The following CEP85L variants were observed in gnomAD, a reference collection of about 807,000 sequenced individuals.
CEP85L encodes centrosomal protein 85L.
Under a neutral mutation model 100.3 loss-of-function variants are expected in CEP85L, and 60 were observed. The observed-to-expected ratio is 0.60, with a 90% confidence interval of 0.49 to 0.74. The LOEUF is 0.74. CEP85L is among the 30% of genes least tolerant of loss of function. The pLI, the probability that CEP85L is intolerant of heterozygous loss-of-function variation, is 0.00. For synonymous variants in CEP85L, 319 were observed against 322.7 expected, an observed-to-expected ratio of 0.99 and a Z score of 0.12; for missense variants, 973 against 936.2, an observed-to-expected ratio of 1.04 and a Z score of -0.51.
At chr6:118,676,497 G>C (rs1189376094) in intron 1 of CEP85L, among the ~76,000 whole-genome samples, 1 of 152,144 alleles carries the variant, frequency 6.6e-6, no homozygotes, top group Admixed American at 6.5e-5. Flanking sequence ...GTATAAACCT[G>C]CATATTGTTG....
intron 2 of CEP85L, among the ~76,000 whole-genome samples, chr6:118,579,775 T>G (rs1360464636): frequency 6.6e-6 from 1 of 152,216 alleles, no homozygotes; most frequent in African/African-American, 2.4e-5. Context: ...CTTGGCAAGT[T>G]TCTTTTCTTT....
At chr6:118,701,326 A>G (rs151033630) in intron 1 of CEP85L, among the ~76,000 whole-genome samples, 1 of 152,360 alleles carries the variant, frequency 6.6e-6, no homozygotes, top group African/African-American at 2.4e-5. Flanking sequence ...ATGCACTCAT[A>G]TGTTCACCAC....
intron 3 of CEP85L, among the ~76,000 whole-genome samples, chr6:118,555,289 A>G (rs531816873): frequency 6.2e-4 from 95 of 152,080 alleles, no homozygotes; most frequent in African/African-American, 2.1e-3. Context: ...AAAATTAGGC[A>G]TGGTGGCGGG....
chr6:118,549,763 T>C (rs777911694), intron 3 of CEP85L, among the ~76,000 whole-genome samples: 2 of 151,856 alleles, frequency 1.3e-5, no homozygotes, highest in Admixed American at 6.6e-5. Context: ...ACACTTCAAA[T>C]TGGGTGTTCA....
intron 1 of CEP85L, among the ~76,000 whole-genome samples, chr6:118,678,377 T>A (rs558861746): frequency 3.3e-5 from 5 of 152,300 alleles, no homozygotes; most frequent in Non-Finnish European, 5.9e-5. Flanking sequence ...TTGAGGGTTG[T>A]CTTCTGGCAT....
At chr6:118,675,960 A>C (rs967183407) in intron 1 of CEP85L, among the ~76,000 whole-genome samples, 1 of 152,196 alleles carries the variant, frequency 6.6e-6, no homozygotes, top group African/African-American at 2.4e-5. Context: ...TAAAAGAGAT[A>C]ATTATTTCTA....
At chr6:118,579,348 G>A (rs748542862) in intron 2 of CEP85L, among the ~76,000 whole-genome samples, 2 of 151,360 alleles carry the variant, frequency 1.3e-5, no homozygotes, top group Admixed American at 6.6e-5. Context: ...GGGTGGGGAC[G>A]GGCGGGAAGC....
At chr6:118,615,438 GA>G (rs11460454) in intron 2 of CEP85L, among the ~76,000 whole-genome samples, 5 of 149,194 alleles carry the variant, frequency 3.4e-5, no homozygotes, top group South Asian at 4.2e-4. Context: ...AAGTAAATGG[GA>G]AAAAAAAAAA....
At chr6:118,695,221 C>G (rs181525826) in intron 1 of CEP85L, among the ~76,000 whole-genome samples, 2 of 152,138 alleles carry the variant, frequency 1.3e-5, no homozygotes, top group African/African-American at 4.8e-5. Context: ...CTGTTTCTCC[C>G]CTGGTGGATG....
intron 1 of CEP85L, among the ~76,000 whole-genome samples, chr6:118,677,528 A>G (rs918115552): frequency 2.6e-5 from 4 of 152,170 alleles, no homozygotes; most frequent in Non-Finnish European, 5.9e-5. Flanking sequence ...ACAGATTCTG[A>G]TGATTCCCAA....
At chr6:118,647,063 T>G (rs1228196548) in intron 1 of CEP85L, 1 of 985,320 alleles carries the variant, frequency 1.0e-6, no homozygotes, top group East Asian at 1.1e-4. Context: ...ACATGTTCAG[T>G]TGGGTTTAGG....
chr6:118,593,247 T>G (rs1229670454), intron 2 of CEP85L, among the ~76,000 whole-genome samples: 3 of 151,880 alleles, frequency 2.0e-5, no homozygotes, highest in African/African-American at 7.2e-5. Flanking sequence ...AAATTGACAG[T>G]GGTAATAGAT....
intron 1 of CEP85L, among the ~76,000 whole-genome samples, chr6:118,659,574 G>T (rs1382707809): frequency 6.6e-6 from 1 of 152,222 alleles, no homozygotes; most frequent in African/African-American, 2.4e-5. Flanking sequence ...TACAATTTCG[G>T]TAGGAGGCAG....
intron 8 of CEP85L, 61 bp downstream of exon 8, chr6:118,481,718 T>A (rs1221783051): frequency 2.3e-5 from 22 of 970,988 alleles, no homozygotes; most frequent in Non-Finnish European, 3.2e-5. Flanking sequence ...TTAATTTAAG[T>A]AAAATGTTTT....
intron 12 of CEP85L, among the ~76,000 whole-genome samples, chr6:118,468,681 G>C (rs922708418): frequency 1.4e-5 from 1 of 73,204 alleles, no homozygotes; most frequent in African/African-American, 5.6e-5. Flanking sequence ...TACTGCACTG[G>C]AAAGCAAAAA....
chr6:118,587,316 A>G (rs1415939212), intron 2 of CEP85L, among the ~76,000 whole-genome samples: 1 of 152,220 alleles, frequency 6.6e-6, no homozygotes, highest in Non-Finnish European at 1.5e-5. Context: ...TCTCCCAAAG[A>G]TAAGCTTCAC....
At chr6:118,540,163 G>GA (rs1412333202) in intron 3 of CEP85L, among the ~76,000 whole-genome samples, 1 of 151,024 alleles carries the variant, frequency 6.6e-6, no homozygotes, top group Non-Finnish European at 1.5e-5. Flanking sequence ...TATCAGCCTT[G>GA]AAAAAAATCC....
chr6:118,549,922 T>C (rs942077110), intron 3 of CEP85L, among the ~76,000 whole-genome samples: 1 of 151,924 alleles, frequency 6.6e-6, no homozygotes, highest in Non-Finnish European at 1.5e-5. Context: ...CAGAGACTGC[T>C]AAAATTTCAA....
At chr6:118,514,398 G>A (rs1776142452) in intron 4 of CEP85L, among the ~76,000 whole-genome samples, 1 of 151,894 alleles carries the variant, frequency 6.6e-6, no homozygotes, top group Non-Finnish European at 1.5e-5. Flanking sequence ...GGTGATGCAT[G>A]CCTGTAGTCC....
Sources: gnomAD v4.1 joint callset for allele counts (sites outside exome capture counted in the v4.1 genomes callset) on GRCh38, gnomAD v4.1.1 for gene constraint, MANE v1.5 for transcripts, NCBI Gene and HGNC (gene_info 2026-07-23, HGNC 2026-07-21) for gene names.